THSD7A: variants seen among roughly 807,000 people sequenced by gnomAD.
The protein encoded by THSD7A is thrombospondin type 1 domain containing 7A.
THSD7A carries 96 observed loss-of-function variants against 231.3 expected under a neutral mutation model. The ratio of observed to expected loss-of-function variants is 0.41; its 90% CI spans 0.35 to 0.49. The LOEUF is 0.49. Among genes scored for constraint, THSD7A ranks in the 20% least tolerant of loss-of-function variants. The pLI is 0.05. For synonymous variants in THSD7A, 940 were observed against 743.3 expected (o/e 1.26, Z -4.30); for missense variants, 2,290 against 2,070.2 (o/e 1.11, Z -2.06).
chr7:11,371,246 C>A lies in THSD7A; in HGVS notation c.*4548G>T, dbSNP rs1248139623. 1 of 152,176 alleles carries A rather than the reference C, an allele frequency of 6.6e-6. No individual in the cohort carries two copies. Among genetic ancestry groups the A allele is most frequent in the Non-Finnish European group, 1.5e-5 (1 of 68,036 alleles). The allele number at this position is 152,176 out of a possible 1,614,324, so 9.4% of individuals were successfully genotyped here. ...TTATTATAACACACTGCAAACCATC[C>A]TTTTTATAAATGGATAACTATTTGC... On this transcript the variant is annotated 3_prime_UTR_variant, in exon 28 of 28. Coordinates refer to ENST00000423059, the MANE Select transcript of THSD7A (RefSeq NM_015204.3).
At chr7:11,695,912 G>C (rs985466856) in intron 1 of THSD7A, among the ~76,000 whole-genome samples, 10 of 151,494 alleles carry the variant, frequency 6.6e-5, no homozygotes, top group Admixed American at 6.6e-4. Flanking sequence ...GGGTGGCCTA[G>C]GGAGATAGGA....
chr7:11,613,937 T>C (rs548415342), intron 2 of THSD7A, among the ~76,000 whole-genome samples: 13 of 152,302 alleles, frequency 8.5e-5, no homozygotes, highest in Admixed American at 2.6e-4. Flanking sequence ...GAGAACTTAT[T>C]TGCAAATGAA....
At chr7:11,797,069 C>A (rs10234811) in intron 1 of THSD7A, among the ~76,000 whole-genome samples, 69,618 of 151,890 alleles carry the variant, frequency 0.46, 17,979 homozygotes, top group Middle Eastern at 0.61. Context: ...TTAAACTCCC[C>A]AGACATCCTG....
At chr7:11,484,131 C>A (rs1227069102) in intron 6 of THSD7A, among the ~76,000 whole-genome samples, 3 of 151,888 alleles carry the variant, frequency 2.0e-5, no homozygotes, top group African/African-American at 7.3e-5. Context: ...ACCCTTAATC[C>A]TCTGTGGAGC....
Position 11,460,714 on chromosome 7 carries a change from T to C in THSD7A, c.2553A>G (p.Gln851=), listed in dbSNP as rs1228147390. 6.2e-7 allele frequency: 1 copy of C among 1,612,608 alleles called. No homozygotes were observed. The highest frequency in any genetic ancestry group is 8.5e-7 in the Non-Finnish European group (1 of 1,179,356). The change falls in exon 11 of 28, where the codon CAA becomes CAG. Residue 851 remains glutamine (Q), a synonymous_variant. Coordinates refer to ENST00000423059, the MANE Select transcript of THSD7A (RefSeq NM_015204.3). ...RRCQLVPWSV[Q]QDSPGAQEGC... ...CTTCCTGTGCTCCAGGGCTGTCTTGTTGCACGCTCCAAGGGACTAATTGGC... is the reference window on the plus strand; with the variant it reads ...CTTCCTGTGCTCCAGGGCTGTCTTGCTGCACGCTCCAAGGGACTAATTGGC...
At chr7:11,764,921 A>G (rs915552131) in intron 1 of THSD7A, among the ~76,000 whole-genome samples, 1 of 152,130 alleles carries the variant, frequency 6.6e-6, no homozygotes, top group Non-Finnish European at 1.5e-5. Context: ...TAATCTGTCA[A>G]ACTCTAATGT....
chr7:11,611,846 CT>C (rs1780941852), intron 2 of THSD7A, among the ~76,000 whole-genome samples: 29 of 138,054 alleles, frequency 2.1e-4, no homozygotes, highest in South Asian at 7.1e-4. Context: ...ATCTGTCTAT[CT>C]ATCTATCTAT....
chr7:11,521,514 AAG>A (rs1207153057), intron 6 of THSD7A, among the ~76,000 whole-genome samples: 2 of 140,444 alleles, frequency 1.4e-5, no homozygotes, highest in Non-Finnish European at 3.1e-5. Flanking sequence ...ATTATACTCT[AAG>A]TTTTAGGGTA....
chr7:11,388,091 G>T (rs1782833092), intron 23 of THSD7A, among the ~76,000 whole-genome samples: 1 of 152,120 alleles, frequency 6.6e-6, no homozygotes. Flanking sequence ...TGTGCTACTG[G>T]ATTCAGTTTG....
chr7:11,398,276 T>TAACA (rs1783267430), intron 23 of THSD7A, among the ~76,000 whole-genome samples: 1 of 151,980 alleles, frequency 6.6e-6, no homozygotes, highest in South Asian at 2.1e-4. Context: ...CTCAGCAAAC[T>TAACA]AACACAGAAA....
chr7:11,447,159 C>T, intron 12 of THSD7A, 71 bp downstream of exon 12: 1 of 1,418,092 alleles, frequency 7.1e-7, no homozygotes, highest in African/African-American at 1.4e-5. Context: ...TGTCAGAATT[C>T]TCTCAGTCTG....
At chr7:11,792,443 T>C (rs1348642464) in intron 1 of THSD7A, among the ~76,000 whole-genome samples, 2 of 151,952 alleles carry the variant, frequency 1.3e-5, no homozygotes, top group Admixed American at 1.3e-4. Context: ...CTTCCTGAGT[T>C]TATTACCAAC....
chr7:11,798,628 G>A (rs1784193919), intron 1 of THSD7A, among the ~76,000 whole-genome samples: 1 of 152,044 alleles, frequency 6.6e-6, no homozygotes, highest in African/African-American at 2.4e-5. Context: ...ATTTTTTAAT[G>A]AAATACTTTT....
At chr7:11,558,233 A>G (rs1416567190) in intron 4 of THSD7A, among the ~76,000 whole-genome samples, 1 of 152,116 alleles carries the variant, frequency 6.6e-6, no homozygotes, top group Non-Finnish European at 1.5e-5. Flanking sequence ...AAGTCTTTTT[A>G]TGGTTTGTTT....
At chr7:11,678,200 T>C (rs1783718761) in intron 1 of THSD7A, among the ~76,000 whole-genome samples, 1 of 152,170 alleles carries the variant, frequency 6.6e-6, no homozygotes, top group Admixed American at 6.5e-5. Flanking sequence ...AAGCGGTGTC[T>C]AGAGGAAAAT....
intron 1 of THSD7A, among the ~76,000 whole-genome samples, chr7:11,754,068 G>A (rs1281258870): frequency 6.6e-6 from 1 of 151,892 alleles, no homozygotes; most frequent in Non-Finnish European, 1.5e-5. Flanking sequence ...AGAAAGTTTG[G>A]CCTTAATATA....
chr7:11,576,475 A>G (rs1790910950), intron 4 of THSD7A, among the ~76,000 whole-genome samples: 1 of 152,210 alleles, frequency 6.6e-6, no homozygotes, highest in African/African-American at 2.4e-5. Context: ...GCACGAATGC[A>G]TATTGTTCAC....
In THSD7A at chr7:11,722,739, C is replaced by T. The variant is rs139206559; in HGVS notation, c.191-85778G>A. ...ACACATGAAAAAATGCTCATCATCA[C>T]TGGCCATCAGAGAAATGCAAATCAA... is the stretch of plus-strand genomic sequence containing the variant. On this transcript the variant is annotated intron_variant, in intron 1 of 27. Transcript: ENST00000423059. Among the ~76,000 whole-genome samples the T allele has an allele frequency of 6.2e-3, 939 of 152,156 alleles. 11 individuals carry two copies. Among genetic ancestry groups the T allele is most frequent in the African/African-American group, 0.022 (907 of 41,540 alleles).
chr7:11,780,846 C>A (rs1400016613), intron 1 of THSD7A, among the ~76,000 whole-genome samples: 3 of 150,846 alleles, frequency 2.0e-5, no homozygotes, highest in Non-Finnish European at 4.4e-5. Flanking sequence ...AAAAAATTAG[C>A]CGGGCGCGGT....
Sources: allele counts gnomAD v4.1 joint callset (sites outside exome capture counted in the v4.1 genomes callset), GRCh38; gene constraint gnomAD v4.1.1; transcripts MANE v1.5; gene names NCBI Gene and HGNC (gene_info 2026-07-23, HGNC 2026-07-21).